Variants in ITIH6 observed in about 807,000 individuals in gnomAD.
ITIH6 encodes the protein inter-alpha-trypsin inhibitor heavy chain H6.
ITIH6 carries 60 observed loss-of-function variants against 58.2 expected under a neutral mutation model. The ratio of observed to expected loss-of-function variants is 1.03; its 90% CI spans 0.84 to 1.28. The LOEUF (loss-of-function observed/expected upper bound fraction) is 1.28. Ranked by LOEUF, ITIH6 falls within the 50% of genes most tolerant of loss-of-function variation. The pLI is 0.00. For synonymous variants in ITIH6, 493 were observed against 417.4 expected, an observed-to-expected ratio of 1.18 and a Z score of -2.21; for missense variants, 1,290 against 1,021.1, an observed-to-expected ratio of 1.26 and a Z score of -3.59.
chrX:54,797,210 A>G (rs766554762), intron 1 of ITIH6, 114 bp from the exon 2 acceptor site: 2 of 570,669 alleles, frequency 3.5e-6, no homozygotes, highest in Non-Finnish European at 2.7e-6. Context: ...CAGGTGGATA[A>G]ACTAAGGCCT....
chrX:54,754,962 A>G, intron 9 of ITIH6, 55 bp downstream of exon 9: 7 of 905,842 alleles, frequency 7.7e-6, no homozygotes, highest in Admixed American at 2.3e-5. Context: ...TAAGAATTCT[A>G]ATGGAATGGA....
intron 5 of ITIH6, among the ~76,000 whole-genome samples, chrX:54,776,667 C>T (rs1464496671): frequency 9.0e-6 from 1 of 111,005 alleles, no homozygotes; most frequent in Non-Finnish European, 1.9e-5. Context: ...CCCTAACTCC[C>T]AAACCACATT....
intron 11 of ITIH6, among the ~76,000 whole-genome samples, chrX:54,752,183 A>T (rs771907272): frequency 9.0e-6 from 1 of 111,664 alleles, no homozygotes; most frequent in Admixed American, 9.5e-5. Flanking sequence ...AAAACTATGG[A>T]TGGATTTCAA....
intron 6 of ITIH6, among the ~76,000 whole-genome samples, chrX:54,769,493 T>A (rs1928891674): frequency 9.4e-6 from 1 of 106,498 alleles, no homozygotes; most frequent in African/African-American, 3.5e-5. Context: ...TTCTGTTTTT[T>A]CCCCATCTTT....
intron 2 of ITIH6, among the ~76,000 whole-genome samples, chrX:54,793,072 C>A (rs888476376): frequency 1.8e-5 from 2 of 111,370 alleles, no homozygotes; most frequent in Non-Finnish European, 3.8e-5. Flanking sequence ...ACAGATGCCT[C>A]CCAAATATGT....
At chrX:54,769,070 G>A (rs1265612070) in intron 6 of ITIH6, among the ~76,000 whole-genome samples, 1 of 101,817 alleles carries the variant, frequency 9.8e-6, no homozygotes, top group Non-Finnish European at 2.0e-5. Context: ...TGGAGGCTTT[G>A]CTCATTTCTT....
chrX:54,761,456 T>C (rs902977396), intron 6 of ITIH6, among the ~76,000 whole-genome samples: 1 of 111,160 alleles, frequency 9.0e-6, no homozygotes, highest in Non-Finnish European at 1.9e-5. Context: ...ATCCCATTTG[T>C]CAATTTTGGC....
Position 54,751,002 on chromosome X carries a change from C to G in ITIH6, c.3730+1G>C. 1 of 1,149,776 alleles carries G rather than the reference C, an allele frequency of 8.7e-7. No homozygotes were observed. Among genetic ancestry groups the G allele is most frequent in the Non-Finnish European group, 1.2e-6 (1 of 863,192 alleles). The allele number at this position is 1,149,776 out of a possible 1,213,427, so 94.8% of individuals were successfully genotyped here. On this transcript the variant is annotated splice_donor_variant, in intron 12 of 12. Coordinates refer to ENST00000218436, the MANE Select transcript of ITIH6 (RefSeq NM_198510.3). LOFTEE classifies it high-confidence loss of function. The stretch of plus-strand genomic sequence containing the variant: ...CCCCTCTCAGCCTCAGCTGCACTTA[C>G]CTATCAGGCCACGGGCTGAGGGGCT...
chrX:54,764,657 C>A lies in ITIH6; in HGVS notation c.904-4730G>T, dbSNP rs1354197436. On this transcript the variant is annotated intron_variant, in intron 6 of 12. Coordinates refer to ENST00000218436, the MANE Select transcript of ITIH6 (RefSeq NM_198510.3). ...GCCACATTTTCTTAATCCAGTCTAT[C>A]ATTGTTGGACATTTGGGTTGGTTCC... Among the ~76,000 whole-genome samples the A allele has an allele frequency of 3.1e-5, 3 of 96,297 alleles. No individual in the cohort carries two copies. In the Admixed American group the frequency reaches 3.5e-4, roughly 11 times the overall value. The allele number at this position is 96,297 out of a possible 115,157, so 83.6% of individuals were successfully genotyped here. A position where few individuals can be genotyped will look rare whatever the true frequency, so the allele number is the denominator to read the frequency against.
chrX:54,763,110 T>A (rs1173892577), intron 6 of ITIH6, among the ~76,000 whole-genome samples: 1 of 112,116 alleles, frequency 8.9e-6, no homozygotes, highest in Non-Finnish European at 1.9e-5. Context: ...CACAATATTA[T>A]GCTTTCAATC....
intron 2 of ITIH6, 132 bp from the exon 3 acceptor site, chrX:54,792,168 A>G (rs1260952145): frequency 9.0e-6 from 4 of 444,455 alleles, no homozygotes; most frequent in Non-Finnish European, 1.6e-5. Flanking sequence ...ACACAGTGCC[A>G]TAAAGCCCCA....
At chrX:54,784,701 G>A (rs923098063) in intron 5 of ITIH6, among the ~76,000 whole-genome samples, 5 of 111,572 alleles carry the variant, frequency 4.5e-5, no homozygotes, top group African/African-American at 1.3e-4. Flanking sequence ...AAGAAATGCC[G>A]GCGAGGATGT....
At chrX:54,772,768 G>T (rs1455422196) in intron 6 of ITIH6, among the ~76,000 whole-genome samples, 1 of 112,038 alleles carries the variant, frequency 8.9e-6, no homozygotes, top group Non-Finnish European at 1.9e-5. Flanking sequence ...TTAGTTGTCA[G>T]AGGCTAAAAC....
rs753549918 is a variant in ITIH6, at chrX:54,773,285, A to G, written c.903+796T>C. Among the ~76,000 whole-genome samples, 8 of 111,512 alleles carry G rather than the reference A, an allele frequency of 7.2e-5. No individual in the cohort carries two copies. In the East Asian group the frequency reaches 2.3e-3, roughly 32 times the overall value. On this transcript the variant is annotated intron_variant, in intron 6 of 12. Transcript: ENST00000218436. ...ACTTCTGAGATTTTTACCCCTCCTC[A>G]GTGAGACAAGAAGGCTAGAAAGGGC...
At chrX:54,779,697 A>G (rs1229284343) in intron 5 of ITIH6, among the ~76,000 whole-genome samples, 1 of 111,421 alleles carries the variant, frequency 9.0e-6, no homozygotes, top group Non-Finnish European at 1.9e-5. Context: ...CTTGTCAATA[A>G]TCACATCGAA....
chrX:54,757,671 T>C lies in ITIH6; in HGVS notation c.2403A>G (p.Ala801=). ...GTCTTGACTGTGGCAGGCCTTTAGG[T>C]GCCTGTGATGTGAGTGCCCCAAGTT... ...HPQLGALTSQ[A]PKGLPQSRPG... The change falls in exon 8 of 13, where the codon GCA becomes GCG. Residue 801 remains alanine, a synonymous_variant. Transcript: ENST00000218436. The C allele has an allele frequency of 1.7e-6, 2 of 1,210,954 alleles. No homozygotes were observed. Among genetic ancestry groups the C allele is most frequent in the Non-Finnish European group, 2.2e-6 (2 of 895,144 alleles).
chrX:54,756,599 T>C (rs899442267), intron 8 of ITIH6, among the ~76,000 whole-genome samples: 1 of 111,230 alleles, frequency 9.0e-6, no homozygotes, highest in African/African-American at 3.3e-5. Context: ...GAAAAACCAA[T>C]AAGACCCGCC....
At chrX:54,773,357 C>A (rs1466109223) in intron 6 of ITIH6, among the ~76,000 whole-genome samples, 1 of 111,560 alleles carries the variant, frequency 9.0e-6, no homozygotes, top group Non-Finnish European at 1.9e-5. Flanking sequence ...GGGGAGCTGG[C>A]TTGGGGTATT....
At chrX:54,786,755 G>T (rs1171246373) in intron 5 of ITIH6, among the ~76,000 whole-genome samples, 1 of 110,984 alleles carries the variant, frequency 9.0e-6, no homozygotes, top group Non-Finnish European at 1.9e-5. Flanking sequence ...GTCATGGAAA[G>T]GGCACTTCTA....
Sources: gnomAD v4.1 joint callset for allele counts (sites outside exome capture counted in the v4.1 genomes callset) on GRCh38, gnomAD v4.1.1 for gene constraint, MANE v1.5 for transcripts, NCBI Gene and HGNC (gene_info 2026-07-23, HGNC 2026-07-21) for gene names.